The following RPF1 variants were observed in gnomAD, a reference collection of about 807,000 sequenced individuals.
The protein encoded by RPF1 is ribosome production factor 1.
A neutral mutation model predicts 41.9 loss-of-function variants in RPF1; 34 were observed. That is an observed-to-expected ratio of 0.81 (90% CI 0.62 to 1.08). RPF1 has a LOEUF of 1.08. RPF1 is among the 50% of genes least tolerant of loss of function. The pLI, the probability that RPF1 is intolerant of heterozygous loss-of-function variation, is 0.00. For missense variants in RPF1, 425 were observed against 435.2 expected (o/e 0.98, Z 0.21); for synonymous variants, 140 against 148.9 (o/e 0.94, Z 0.43).
chr1:84,488,539 A>G (rs1681774089), intron 3 of RPF1, among the ~76,000 whole-genome samples: 1 of 151,978 alleles, frequency 6.6e-6, no homozygotes, highest in African/African-American at 2.4e-5. Context: ...TCTTATTTTG[A>G]CCCATTTTTC....
In RPF1 at chr1:84,497,448, G is replaced by A. The variant is rs1681962522; in HGVS notation, c.1028G>A (p.Ser343Asn). ...TTTCAGCCCCGGGAAATGGATACAAGTAGAAGAAAATTCCATTTATAAAGT... is the reference window on the plus strand; with the variant it reads ...TTTCAGCCCCGGGAAATGGATACAAATAGAAGAAAATTCCATTTATAAAGT... Reference protein sequence around the residue: ...WVHKPREMDTSRRKFHL With the variant: ...WVHKPREMDTNRRKFHL The change falls in exon 9 of 9, where the codon AGT becomes AAT. Residue 343 changes from serine (S) to asparagine (N), a missense_variant. By Grantham distance (46) the Ser-to-Asn change is conservative (BLOSUM62 1). Coordinates refer to ENST00000370654, the MANE Select transcript of RPF1 (RefSeq NM_025065.7). 3.7e-6 allele frequency: 6 copies of A among 1,611,970 alleles called. No individual in the cohort carries two copies. Among genetic ancestry groups the A allele is most frequent in the Non-Finnish European group, 5.1e-6 (6 of 1,178,844 alleles).
intron 1 of RPF1, among the ~76,000 whole-genome samples, chr1:84,479,793 G>C (rs1681610083): frequency 6.6e-6 from 1 of 152,214 alleles, no homozygotes; most frequent in Admixed American, 6.5e-5. Flanking sequence ...GCTTAGTAGT[G>C]AAAACTACGC....
At chr1:84,491,978 C>T (rs1443075331) in intron 5 of RPF1, among the ~76,000 whole-genome samples, 1 of 152,124 alleles carries the variant, frequency 6.6e-6, no homozygotes, top group African/African-American at 2.4e-5. Context: ...CTAGCCAACA[C>T]AGCAAAATCC....
chr1:84,481,014 TA>T lies in RPF1; in HGVS notation c.285+5del. 1 of 1,568,932 alleles carries T rather than the reference TA, an allele frequency of 6.4e-7. No individual in the cohort carries two copies. Among genetic ancestry groups the T allele is most frequent in the Non-Finnish European group, 8.7e-7 (1 of 1,147,412 alleles). ...GAAAGAGAGGCTCTTGGCGATAAGG[TA>T]AATAAAATTTTTAGCTGTTTGCTTT... is the stretch of plus-strand genomic sequence containing the variant. On this transcript the variant is annotated splice_donor_region_variant and intron_variant, in intron 2 of 8. Transcript: ENST00000370654.
intron 2 of RPF1, 28 bp downstream of exon 2, chr1:84,481,040 T>A: frequency 7.4e-7 from 1 of 1,355,994 alleles, no homozygotes; most frequent in Non-Finnish European, 1.0e-6. Context: ...CTGTTTGCTT[T>A]CTATCTTATA....
chr1:84,485,746 TAGTA>T (rs1425314354), intron 3 of RPF1, among the ~76,000 whole-genome samples: 1 of 152,226 alleles, frequency 6.6e-6, no homozygotes, highest in Non-Finnish European at 1.5e-5. Flanking sequence ...GTATGATAAT[TAGTA>T]AGTATTTGGG....
At chr1:84,482,320 C>A (rs1681664627) in intron 2 of RPF1, among the ~76,000 whole-genome samples, 1 of 152,112 alleles carries the variant, frequency 6.6e-6, no homozygotes. Context: ...TAACAGTATT[C>A]CATAATGTTG....
At chr1:84,496,758 T>TATAAGC (rs1681945078) in intron 8 of RPF1, among the ~76,000 whole-genome samples, 1 of 152,206 alleles carries the variant, frequency 6.6e-6, no homozygotes, top group Non-Finnish European at 1.5e-5. Context: ...GCAATCTGCT[T>TATAAGC]ATAAGCCTGT....
intron 8 of RPF1, among the ~76,000 whole-genome samples, chr1:84,496,803 C>A (rs1261052945): frequency 6.6e-6 from 1 of 152,134 alleles, no homozygotes; most frequent in Non-Finnish European, 1.5e-5. Flanking sequence ...TTCTTGAGAA[C>A]TATTGATAAG....
At chr1:84,482,440 C>T (rs984383789) in intron 2 of RPF1, among the ~76,000 whole-genome samples, 6 of 152,158 alleles carry the variant, frequency 3.9e-5, no homozygotes, top group African/African-American at 1.4e-4. Context: ...ATTTCTCCCC[C>T]ATTTACATTC....
chr1:84,495,443 TA>T lies in RPF1; in HGVS notation c.690del (p.Glu231LysfsTer16). ...HFKMSSVRLR[K>X]EIKRRGKDPT... is the part of the protein sequence containing the mutation. The stretch of plus-strand genomic sequence containing the variant: ...TTAAAATGAGCAGTGTTCGTCTTCG[TA>T]AAGAAATTAAGGTAAGTTTTATACA... On this transcript the variant is annotated frameshift_variant, in exon 6 of 9. Coordinates refer to ENST00000370654, the MANE Select transcript of RPF1 (RefSeq NM_025065.7). LOFTEE classifies it high-confidence loss of function. 3 of 1,430,440 alleles carry T rather than the reference TA, an allele frequency of 2.1e-6. No homozygotes were observed. The highest frequency in any genetic ancestry group is 1.2e-5 in the South Asian group (1 of 82,270). 88.6% of individuals were successfully genotyped at this position (1,430,440 alleles called of 1,614,324 possible).
chr1:84,487,874 A>T (rs1261689149), intron 3 of RPF1, among the ~76,000 whole-genome samples: 1 of 152,072 alleles, frequency 6.6e-6, no homozygotes, highest in Admixed American at 6.6e-5. Context: ...ACTTCTTAAC[A>T]GTTCATTTAT....
chr1:84,480,928 A>C, intron 1 of RPF1, 28 bp from the exon 2 acceptor site: 2 of 1,255,484 alleles, frequency 1.6e-6, no homozygotes, highest in Non-Finnish European at 2.3e-6. Context: ...GTTTCTCAGT[A>C]TTGTTCTCTT....
intron 2 of RPF1, among the ~76,000 whole-genome samples, chr1:84,481,709 C>T (rs1003967996): frequency 6.6e-6 from 1 of 152,108 alleles, no homozygotes; most frequent in Non-Finnish European, 1.5e-5. Flanking sequence ...AATGCTCATA[C>T]ATTATTGCAT....
rs1681969495 is a variant in RPF1, at chr1:84,497,749, T to C, written c.*279T>C. On this transcript the variant is annotated 3_prime_UTR_variant, in exon 9 of 9. Coordinates refer to ENST00000370654, the MANE Select transcript of RPF1 (RefSeq NM_025065.7). ...GAATCAAGATTCAGATTAACTTTCC[T>C]ATTTGCATAGAACACATGAGAGGAA... 6.4e-6 allele frequency: 2 copies of C among 310,700 alleles called. No homozygotes were observed. The highest frequency in any genetic ancestry group is 1.2e-5 in the Non-Finnish European group (2 of 167,220). The allele number at this position is 310,700 out of a possible 1,614,324, so 19.2% of individuals were successfully genotyped here. A position where few individuals can be genotyped will look rare whatever the true frequency, so the allele number is the denominator to read the frequency against.
chr1:84,483,119 T>G, intron 3 of RPF1, 124 bp downstream of exon 3: 1 of 567,522 alleles, frequency 1.8e-6, no homozygotes. Flanking sequence ...AGCTAAAATG[T>G]TGGCATATTA....
intron 5 of RPF1, 125 bp from the exon 6 acceptor site, chr1:84,495,248 T>C (rs1681911402): frequency 9.7e-6 from 6 of 617,826 alleles, no homozygotes; most frequent in African/African-American, 3.9e-5. Context: ...TTCAGAGGAA[T>C]ATGTACATCT....
intron 2 of RPF1, among the ~76,000 whole-genome samples, chr1:84,482,492 A>T (rs1400815431): frequency 6.6e-6 from 1 of 152,228 alleles, no homozygotes; most frequent in East Asian, 1.9e-4. Flanking sequence ...AGGTCAATGG[A>T]TAACAACTAG....
chr1:84,497,433 G>C lies in RPF1; in HGVS notation c.1013G>C (p.Arg338Pro), dbSNP rs375039494. 5 of 1,609,504 alleles carry C rather than the reference G, an allele frequency of 3.1e-6. No individual in the cohort carries two copies. In the South Asian group the frequency reaches 4.4e-5, roughly 14 times the overall value. Reference sequence around the variant, plus strand: ...TCCCTTGCTTTCCACTTTCAGCCCCGGGAAATGGATACAAGTAGAAGAAAA... The same window carrying C: ...TCCCTTGCTTTCCACTTTCAGCCCCCGGAAATGGATACAAGTAGAAGAAAA... ...YGEYEWVHKP[R>P]EMDTSRRKFH... The change falls in exon 9 of 9, where the codon CGG (arginine) becomes CCG (proline). Residue 338 changes from arginine (R) to proline (P), a missense_variant. Physicochemically the swap from Arg to Pro is moderately radical, Grantham distance 103. Transcript: ENST00000370654.
Sources: allele counts gnomAD v4.1 joint callset (sites outside exome capture counted in the v4.1 genomes callset), GRCh38; gene constraint gnomAD v4.1.1; transcripts MANE v1.5; gene names NCBI Gene and HGNC (gene_info 2026-07-23, HGNC 2026-07-21).